Variants in KIF24 observed in about 807,000 individuals in gnomAD.
KIF24 encodes kinesin family member 24, also known as kinesin-like protein KIF24.
KIF24 carries 81 observed loss-of-function variants against 118.9 expected under a neutral mutation model. That is an observed-to-expected ratio of 0.68 (90% CI 0.57 to 0.82). The LOEUF is 0.82. Among genes scored for constraint, KIF24 ranks in the 40% least tolerant of loss-of-function variants. The pLI, the probability that KIF24 is intolerant of heterozygous loss-of-function variation, is 0.00. For synonymous variants in KIF24, 599 were observed against 610.0 expected (o/e 0.98, Z 0.27); for missense variants, 1,560 against 1,661.6 (o/e 0.94, Z 1.06).
Position 34,258,340 on chromosome 9 carries a change from G to GT in KIF24, c.1626-360dup, listed in dbSNP as rs536100986. On this transcript the variant is annotated intron_variant, in intron 10 of 12. Transcript: ENST00000402558. ...AAAAATTAGCCAGACATGGTGATGCGTGTCTGTAGGCCCAGCTACTTGGGA... is the reference window on the plus strand; with the variant it reads ...AAAAATTAGCCAGACATGGTGATGCGTTGTCTGTAGGCCCAGCTACTTGGGA... 5.5e-4 allele frequency among the ~76,000 whole-genome samples: 84 copies of GT among 152,210 alleles called. No individual in the cohort carries two copies. In the South Asian group the frequency reaches 0.016, roughly 30 times the overall value.
intron 6 of KIF24, among the ~76,000 whole-genome samples, chr9:34,277,687 G>C (rs1835706679): frequency 6.6e-6 from 1 of 152,166 alleles, no homozygotes. Context: ...TTTTAGAGAA[G>C]GCATGAGGAG....
At chr9:34,294,869 T>C (rs996492073) in intron 4 of KIF24, among the ~76,000 whole-genome samples, 5 of 152,094 alleles carry the variant, frequency 3.3e-5, no homozygotes, top group Admixed American at 2.6e-4. Flanking sequence ...ATTAACTAAA[T>C]AGGGACACAA....
At chr9:34,260,903 T>C (rs1306358134) in intron 9 of KIF24, among the ~76,000 whole-genome samples, 6 of 152,004 alleles carry the variant, frequency 3.9e-5, no homozygotes, top group South Asian at 4.2e-4. Flanking sequence ...ACCCAGGAGG[T>C]GGAGGTTGCA....
Position 34,256,899 on chromosome 9 carries a change from C to T in KIF24, c.2708G>A (p.Arg903Lys), listed in dbSNP as rs755509777. 12 of 1,614,008 alleles carry T rather than the reference C, an allele frequency of 7.4e-6. No homozygotes were observed. The South Asian group carries it at 1.2e-4, about 16-fold the overall frequency. The change falls in exon 11 of 13, where the codon AGA becomes AAA. Residue 903 changes from arginine (R) to lysine (K), a missense_variant. This residue lies in a region of KIF24 where 591 missense variants were observed against 655.6 expected (regional missense o/e 0.90). Transcript: ENST00000402558. Reference protein sequence around the residue: ...VDSRDPINHRRAALDHSCSPS... With the variant: ...VDSRDPINHRKAALDHSCSPS... Reference sequence around the variant, plus strand: ...GCTGCAGCTGTGATCGAGTGCTGCTCTTCTGTGGTTTATGGGGTCCCTGGA... The same window carrying T: ...GCTGCAGCTGTGATCGAGTGCTGCTTTTCTGTGGTTTATGGGGTCCCTGGA...
intron 4 of KIF24, among the ~76,000 whole-genome samples, chr9:34,296,677 A>G (rs933335912): frequency 6.6e-6 from 1 of 151,966 alleles, no homozygotes; most frequent in Admixed American, 6.6e-5. Flanking sequence ...AACCACCTGA[A>G]CCTTTTTCTT....
chr9:34,263,135 G>A lies in KIF24; in HGVS notation c.1481C>T (p.Thr494Ile). 6.2e-7 allele frequency: 1 copy of A among 1,613,508 alleles called. No individual in the cohort carries two copies. The highest frequency in any genetic ancestry group is 1.1e-5 in the South Asian group (1 of 90,918). ...ECIRALDQEH[T>I]HTPFRQSKLT... ...TTTGCTTTGCCTGAAGGGAGTATGG[G>A]TGTGTTCCTGATCCAGTGCTCGGAT... is the stretch of plus-strand genomic sequence containing the variant. Residue 494 changes from threonine to isoleucine, a missense_variant, in exon 9 of 13, where the codon ACC (threonine) becomes ATC (isoleucine). Thr to Ile is a moderately conservative substitution (Grantham distance 89). This residue lies in a region of KIF24 where 964 missense variants were observed against 988.0 expected (regional missense o/e 0.98). Transcript: ENST00000402558.
In KIF24 at chr9:34,266,479, C is replaced by T. The variant is rs1257030043; in HGVS notation, c.1443+2778G>A. Among the ~76,000 whole-genome samples the T allele has an allele frequency of 2.0e-5, 3 of 152,106 alleles. No individual in the cohort carries two copies. The East Asian group carries it at 5.8e-4, about 29-fold the overall frequency. On this transcript the variant is annotated intron_variant, in intron 8 of 12. Coordinates refer to ENST00000402558, the MANE Select transcript of KIF24 (RefSeq NM_194313.4). ...GAATCACGAGGTTAGGAGTTCAAGACCAGCATGGCCAACATGGTGAAACCG... is the reference window on the plus strand; with the variant it reads ...GAATCACGAGGTTAGGAGTTCAAGATCAGCATGGCCAACATGGTGAAACCG...
At chr9:34,324,109 C>T (rs184380250) in intron 1 of KIF24, among the ~76,000 whole-genome samples, 8 of 152,162 alleles carry the variant, frequency 5.3e-5, no homozygotes, top group Non-Finnish European at 1.0e-4. Context: ...TTAGTCTGGA[C>T]GTTGTGCAAT....
chr9:34,276,146 T>C (rs910313437), intron 6 of KIF24, among the ~76,000 whole-genome samples: 3 of 152,184 alleles, frequency 2.0e-5, no homozygotes, highest in African/African-American at 4.8e-5. Flanking sequence ...CTCACGCCTA[T>C]AATCCGAGCA....
chr9:34,281,168 A>G (rs10758250), intron 6 of KIF24, among the ~76,000 whole-genome samples: 106,092 of 151,904 alleles, frequency 0.7, 39,135 homozygotes, highest in East Asian at 0.95. Context: ...TGGGATTACA[A>G]GCGCCCACCA....
intron 6 of KIF24, among the ~76,000 whole-genome samples, chr9:34,278,234 C>T (rs1222821772): frequency 6.6e-6 from 1 of 152,014 alleles, no homozygotes; most frequent in Non-Finnish European, 1.5e-5. Flanking sequence ...CCTGGTGAAA[C>T]CCCATCTCTA....
intron 4 of KIF24, among the ~76,000 whole-genome samples, chr9:34,292,384 CT>C (rs1457120444): frequency 2.6e-5 from 4 of 151,978 alleles, no homozygotes; most frequent in Non-Finnish European, 5.9e-5. Context: ...ATTTTTTCCC[CT>C]TTTATTTGCT....
chr9:34,275,877 A>C (rs1193899304), intron 6 of KIF24, among the ~76,000 whole-genome samples: 1 of 152,154 alleles, frequency 6.6e-6, no homozygotes, highest in East Asian at 1.9e-4. Context: ...ACCACAGCCT[A>C]ATGTTAGGCG....
At chr9:34,277,434 A>G (rs901461673) in intron 6 of KIF24, among the ~76,000 whole-genome samples, 1 of 152,222 alleles carries the variant, frequency 6.6e-6, no homozygotes, top group African/African-American at 2.4e-5. Context: ...ACTGAGACCT[A>G]GTGAGAGCTC....
At chr9:34,269,860 T>G (rs1028110567) in intron 7 of KIF24, among the ~76,000 whole-genome samples, 11 of 150,896 alleles carry the variant, frequency 7.3e-5, no homozygotes, top group Admixed American at 4.0e-4. Context: ...GAGGCTGAGG[T>G]GGAGCACTGC....
chr9:34,255,746 C>T lies in KIF24; in HGVS notation c.3861G>A (p.Leu1287=), dbSNP rs1436314219. Residue 1287 remains leucine (L), a synonymous_variant, in exon 11 of 13, where the codon CTG becomes CTA. Transcript: ENST00000402558. ...KTAGTLRQPT[L]EQAQQVVIRA... is the part of the protein sequence containing the mutation. ...AGTGTCCAACTTACTGCGCTTGCTCCAGGGTGGGCTGACGGAGTGTCCCTG... is the reference window on the plus strand; with the variant it reads ...AGTGTCCAACTTACTGCGCTTGCTCTAGGGTGGGCTGACGGAGTGTCCCTG... The T allele has an allele frequency of 1.9e-6, 3 of 1,611,080 alleles. No homozygotes were observed.
At chr9:34,319,608 G>A in intron 1 of KIF24, 1 of 915,040 alleles carries the variant, frequency 1.1e-6, no homozygotes, top group African/African-American at 1.6e-5. Context: ...GCTGTTCACT[G>A]GGCACCTGGT....
chr9:34,264,183 A>T (rs1835198143), intron 8 of KIF24, among the ~76,000 whole-genome samples: 2 of 151,846 alleles, frequency 1.3e-5, no homozygotes, highest in Non-Finnish European at 2.9e-5. Context: ...GCACTTTGGG[A>T]GGCTGAGGCG....
intron 1 of KIF24, among the ~76,000 whole-genome samples, chr9:34,315,120 A>G (rs530258889): frequency 1.3e-5 from 2 of 152,276 alleles, no homozygotes; most frequent in South Asian, 4.1e-4. Flanking sequence ...TGTCATTTCT[A>G]TGTCACTGGT....
Sources: allele counts gnomAD v4.1 joint callset (sites outside exome capture counted in the v4.1 genomes callset), GRCh38; gene constraint gnomAD v4.1.1; regional missense constraint gnomAD v4.1.1; transcripts MANE v1.5; gene names NCBI Gene and HGNC (gene_info 2026-07-23, HGNC 2026-07-21).